Variants in CTXN2 observed in about 807,000 individuals in gnomAD.
CTXN2 encodes the protein cortexin-2.
CTXN2 carries 3 observed loss-of-function variants against 5.7 expected under a neutral mutation model. The ratio of observed to expected loss-of-function variants is 0.53; its 90% CI spans 0.24 to 1.36. CTXN2 has a LOEUF of 1.36. Ranked by LOEUF, CTXN2 falls within the 40% of genes most tolerant of loss-of-function variation. The pLI, the probability that CTXN2 is intolerant of heterozygous loss-of-function variation, is 0.17. For missense variants in CTXN2, 87 were observed against 93.0 expected, an observed-to-expected ratio of 0.94 and a Z score of 0.26; for synonymous variants, 38 against 36.4, an observed-to-expected ratio of 1.04 and a Z score of -0.16.
intron 1 of CTXN2, among the ~76,000 whole-genome samples, chr15:48,180,855 A>G (rs531975039): frequency 1.2e-4 from 18 of 152,288 alleles, no homozygotes; most frequent in African/African-American, 4.1e-4. Flanking sequence ...GCATGTAGGT[A>G]CATTGAAAAA....
chr15:48,181,727 G>C (rs974749649), intron 1 of CTXN2, among the ~76,000 whole-genome samples: 2 of 152,020 alleles, frequency 1.3e-5, no homozygotes, highest in African/African-American at 4.8e-5. Flanking sequence ...ATAATAAATA[G>C]ATTACCTTCT....
intron 1 of CTXN2, among the ~76,000 whole-genome samples, chr15:48,181,778 C>T (rs1349650314): frequency 1.3e-5 from 2 of 151,900 alleles, no homozygotes; most frequent in Non-Finnish European, 2.9e-5. Flanking sequence ...AAGAATTAAA[C>T]GGCAAAGACC....
Position 48,202,920 on chromosome 15 carries a change from A to G in CTXN2, c.*1374A>G, listed in dbSNP as rs571249821. The stretch of plus-strand genomic sequence containing the variant: ...TACAAAAATATTTATGTCCTTTGAA[A>G]ACACAGAACTGCAAAACATACCATG... On this transcript the variant is annotated 3_prime_UTR_variant, in exon 2 of 2. Transcript: ENST00000417307. 2.9e-3 allele frequency: 474 copies of G among 165,646 alleles called. 2 individuals carry two copies. The highest frequency in any genetic ancestry group is 0.011 in the African/African-American group (452 of 41,580). 10.3% of individuals were successfully genotyped at this position (165,646 alleles called of 1,614,324 possible).
chr15:48,200,288 TTTGA>T (rs148541045), intron 1 of CTXN2, among the ~76,000 whole-genome samples: 21,271 of 152,078 alleles, frequency 0.14, 4,114 homozygotes, highest in African/African-American at 0.42. Context: ...TTAGTAATTA[TTTGA>T]TTAATTAAAT....
At chr15:48,189,424 T>G (rs917203017), upstream of CTXN2, 2 of 152,170 alleles carry the variant, frequency 1.3e-5, no homozygotes, top group African/African-American at 4.8e-5. Flanking sequence ...AGTCAAAGTC[T>G]CCAACCGTGA....
chr15:48,182,427 C>T lies in CTXN2; in HGVS notation c.-455+4027C>T, dbSNP rs946353465. 3.9e-5 allele frequency among the ~76,000 whole-genome samples: 6 copies of T among 152,118 alleles called. No individual in the cohort carries two copies. The East Asian group carries it at 1.2e-3, about 29-fold the overall frequency. On this transcript the variant is annotated intron_variant, in intron 1 of 2. Coordinates refer to the CTXN2 transcript ENST00000644354. ...ACTAAACAGAATCCAAAAATTGTAC[C>T]GTATTACAGCCCTTTTCCTCAAGGG...
upstream of CTXN2, among the ~76,000 whole-genome samples, chr15:48,187,352 C>A (rs2040767890): frequency 1.3e-5 from 2 of 151,690 alleles, no homozygotes; most frequent in Non-Finnish European, 2.9e-5. Context: ...TATACCAAAA[C>A]TAATTTATGT....
At position 48,202,637 on chromosome 15, in the gene CTXN2, T is replaced by C. The variant is rs929743793; in HGVS notation, c.*1091T>C. The C allele has an allele frequency of 1.4e-4, 24 of 167,016 alleles. No homozygotes were observed. Among genetic ancestry groups the C allele is most frequent in the African/African-American group, 5.8e-4 (24 of 41,454 alleles). The allele number at this position is 167,016 out of a possible 1,614,324, so 10.3% of individuals were successfully genotyped here. On this transcript the variant is annotated 3_prime_UTR_variant, in exon 2 of 2. Coordinates refer to ENST00000417307, the MANE Select transcript of CTXN2 (RefSeq NM_001145668.2). The stretch of plus-strand genomic sequence containing the variant: ...GAGAGGGCCAATTAGATATAATGAA[T>C]GTGAAAGCATTTTGTAAACCATAAA...
chr15:48,185,019 G>T (rs367623196), intron 1 of CTXN2, among the ~76,000 whole-genome samples: 1 of 152,094 alleles, frequency 6.6e-6, no homozygotes, highest in Admixed American at 6.5e-5. Flanking sequence ...GCTTACATGC[G>T]TGTTGTTAAA....
chr15:48,197,671 G>C (rs1206460251), intron 1 of CTXN2, among the ~76,000 whole-genome samples: 6 of 151,968 alleles, frequency 3.9e-5, no homozygotes, highest in Non-Finnish European at 8.8e-5. Context: ...GACAGTTTTT[G>C]GTCACTTCTC....
chr15:48,194,147 T>A (rs955498492), intron 1 of CTXN2, among the ~76,000 whole-genome samples: 5 of 152,128 alleles, frequency 3.3e-5, no homozygotes, highest in Admixed American at 2.6e-4. Context: ...AAGTATATTT[T>A]ATGATAAATA....
At chr15:48,182,213 T>C (rs2040706653) in intron 1 of CTXN2, among the ~76,000 whole-genome samples, 3 of 152,174 alleles carry the variant, frequency 2.0e-5, no homozygotes, top group Non-Finnish European at 4.4e-5. Flanking sequence ...CATTTAGCAT[T>C]CCAAAAATAC....
chr15:48,185,412 C>T (rs28535040), intron 1 of CTXN2, among the ~76,000 whole-genome samples: 175 of 152,200 alleles, frequency 1.1e-3, no homozygotes, highest in African/African-American at 4.1e-3. Context: ...ACTTTCTGTA[C>T]TCTCTGACTT....
intron 1 of CTXN2, among the ~76,000 whole-genome samples, chr15:48,183,372 C>T (rs948846417): frequency 2.6e-5 from 4 of 152,182 alleles, no homozygotes; most frequent in African/African-American, 9.7e-5. Flanking sequence ...AGAGGCATGG[C>T]ATTATAGGCT....
intron 1 of CTXN2, among the ~76,000 whole-genome samples, chr15:48,200,774 A>G (rs1204845744): frequency 1.3e-5 from 2 of 152,214 alleles, no homozygotes; most frequent in African/African-American, 4.8e-5. Context: ...TATCTGTTTA[A>G]AAGGATCAGA....
chr15:48,202,809 A>T lies in CTXN2; in HGVS notation c.*1263A>T, dbSNP rs535366895. 7 of 166,404 alleles carry T rather than the reference A, an allele frequency of 4.2e-5. No homozygotes were observed. Among genetic ancestry groups the T allele is most frequent in the African/African-American group, 1.7e-4 (7 of 41,570 alleles). 10.3% of individuals were successfully genotyped at this position (166,404 alleles called of 1,614,324 possible). On this transcript the variant is annotated 3_prime_UTR_variant, in exon 2 of 2. Coordinates refer to ENST00000417307, the MANE Select transcript of CTXN2 (RefSeq NM_001145668.2). Reference sequence around the variant, plus strand: ...TTCTCTTCAATTGAGAAATAAAAAGATAAAATTATATAGTTCTAAATTCTT... The same window carrying T: ...TTCTCTTCAATTGAGAAATAAAAAGTTAAAATTATATAGTTCTAAATTCTT...
chr15:48,183,559 A>G lies in CTXN2; in HGVS notation c.-455+5159A>G, dbSNP rs569591292. Among the ~76,000 whole-genome samples, 4 of 152,342 alleles carry G rather than the reference A, an allele frequency of 2.6e-5. No homozygotes were observed. In the East Asian group the frequency reaches 7.7e-4, roughly 29 times the overall value. Reference sequence around the variant, plus strand: ...AAGAAATAACCTAAGTTACTCTTACATGGCCTAACTGGTTTTGTCTGCTCC... The same window carrying G: ...AAGAAATAACCTAAGTTACTCTTACGTGGCCTAACTGGTTTTGTCTGCTCC... On this transcript the variant is annotated intron_variant, in intron 1 of 2. Coordinates refer to the CTXN2 transcript ENST00000644354.
At chr15:48,199,096 C>T (rs2040905364) in intron 1 of CTXN2, among the ~76,000 whole-genome samples, 1 of 152,068 alleles carries the variant, frequency 6.6e-6, no homozygotes, top group African/African-American at 2.4e-5. Context: ...TGCTATAGAC[C>T]CAATGACAGT....
At chr15:48,185,257 CA>C in intron 1 of CTXN2, among the ~76,000 whole-genome samples, 1 of 152,130 alleles carries the variant, frequency 6.6e-6, no homozygotes, top group Middle Eastern at 3.4e-3. Context: ...AACTGACCAA[CA>C]AAAAGAATAA....
Sources: gnomAD v4.1 joint callset for allele counts (sites outside exome capture counted in the v4.1 genomes callset) on GRCh38, gnomAD v4.1.1 for gene constraint, MANE v1.5 for transcripts, NCBI Gene and HGNC (gene_info 2026-07-23, HGNC 2026-07-21) for gene names.